Variants in NFE2L2 observed in about 807,000 individuals in gnomAD.
NFE2L2 encodes the protein nuclear factor erythroid 2-related factor 2.
In NFE2L2, 20 loss-of-function variants were observed where a neutral mutation model predicts 49.6. That is an observed-to-expected ratio of 0.40 (90% CI 0.28 to 0.59). NFE2L2 has a LOEUF of 0.59. NFE2L2 is among the 20% of genes least tolerant of loss of function. The probability of loss-of-function intolerance (pLI) is 0.40; values close to 1 mark genes in which losing one functional copy is unlikely to be tolerated. For synonymous variants in NFE2L2, 244 were observed against 256.5 expected, an observed-to-expected ratio of 0.95 and a Z score of 0.47; for missense variants, 578 against 714.2, an observed-to-expected ratio of 0.81 and a Z score of 2.17.
At chr2:177,260,841 C>T (rs1292283898) in intron 1 of NFE2L2, among the ~76,000 whole-genome samples, 9 of 152,138 alleles carry the variant, frequency 5.9e-5, no homozygotes, top group South Asian at 4.1e-4. Flanking sequence ...GAATCTTGGA[C>T]ATTGCCAAAC....
intron 1 of NFE2L2, chr2:177,263,528 C>T: frequency 2.0e-6 from 2 of 985,542 alleles, no homozygotes; most frequent in Non-Finnish European, 1.2e-6. Flanking sequence ...ACAGCTCCAA[C>T]CTGTCCCTTG....
chr2:177,235,100 G>C (rs1689699345), intron 1 of NFE2L2, among the ~76,000 whole-genome samples: 1 of 148,802 alleles, frequency 6.7e-6, no homozygotes, highest in Non-Finnish European at 1.5e-5. Context: ...CTGGGCAACA[G>C]AGCAAGACTC....
At chr2:177,241,586 G>A (rs994491159) in intron 1 of NFE2L2, among the ~76,000 whole-genome samples, 6 of 152,150 alleles carry the variant, frequency 3.9e-5, no homozygotes, top group East Asian at 1.9e-4. Context: ...AGCCAGGCAC[G>A]GTGGCTCACA....
chr2:177,232,209 G>T, intron 4 of NFE2L2, 183 bp downstream of exon 4: 2 of 887,384 alleles, frequency 2.3e-6, no homozygotes, highest in Non-Finnish European at 3.3e-6. Flanking sequence ...CAGATCAGAC[G>T]TCAGGTTTAT....
At chr2:177,246,669 A>G (rs1690143549) in intron 1 of NFE2L2, among the ~76,000 whole-genome samples, 1 of 149,544 alleles carries the variant, frequency 6.7e-6, no homozygotes, top group East Asian at 2.0e-4. Flanking sequence ...GCAGAATCAC[A>G]GCTCACTGCA....
chr2:177,238,415 C>G (rs1454894751), intron 1 of NFE2L2, among the ~76,000 whole-genome samples: 2 of 152,316 alleles, frequency 1.3e-5, no homozygotes, highest in African/African-American at 2.4e-5. Context: ...CCTTTCCCCC[C>G]CTTTTCCTTC....
intron 1 of NFE2L2, among the ~76,000 whole-genome samples, chr2:177,256,170 C>T (rs1424057581): frequency 6.6e-6 from 1 of 152,040 alleles, no homozygotes; most frequent in Non-Finnish European, 1.5e-5. Context: ...CCCTCAAACA[C>T]CTCAAGAAGA....
chr2:177,255,705 G>A (rs975994076), intron 1 of NFE2L2, among the ~76,000 whole-genome samples: 13 of 152,044 alleles, frequency 8.6e-5, no homozygotes, highest in African/African-American at 2.9e-4. Context: ...AATTGCAGGT[G>A]TGCACCACTG....
At chr2:177,235,168 A>G (rs1689701745) in intron 1 of NFE2L2, among the ~76,000 whole-genome samples, 3 of 150,986 alleles carry the variant, frequency 2.0e-5, no homozygotes, top group Non-Finnish European at 4.4e-5. Context: ...GCTCACGCCT[A>G]CAAGCCCAGC....
chr2:177,233,922 A>G, intron 2 of NFE2L2, 83 bp downstream of exon 2: 1 of 1,540,678 alleles, frequency 6.5e-7, no homozygotes, highest in Non-Finnish European at 8.8e-7. Flanking sequence ...GCAAAGCTGG[A>G]ACTCAAATCC....
chr2:177,261,366 G>C (rs547826151), intron 1 of NFE2L2, among the ~76,000 whole-genome samples: 5 of 152,238 alleles, frequency 3.3e-5, no homozygotes, highest in Admixed American at 3.3e-4. Context: ...AAAAGCTGCA[G>C]ACATTAATCT....
chr2:177,249,352 T>C (rs1690252820), intron 1 of NFE2L2, among the ~76,000 whole-genome samples: 1 of 152,228 alleles, frequency 6.6e-6, no homozygotes, highest in African/African-American at 2.4e-5. Context: ...ATAAAGCCAC[T>C]GGGATCCAGT....
Position 177,234,116 on chromosome 2 carries a change from C to T in NFE2L2, c.201G>A (p.Glu67=). ...GTTGTAACTGAGCGAAAAAGGCTTT[C>T]TCTTGCTCCTTTTGGAGTTGTTCTT... is the stretch of plus-strand genomic sequence containing the variant. ...ERQEQLQKEQ[E]KAFFAQLQLD... is the part of the protein sequence containing the mutation. Residue 67 remains glutamate (E), a synonymous_variant, in exon 2 of 5, where the codon GAG becomes GAA. Coordinates refer to ENST00000397062, the MANE Select transcript of NFE2L2 (RefSeq NM_006164.5). 2 of 1,614,174 alleles carry T rather than the reference C, an allele frequency of 1.2e-6. No individual in the cohort carries two copies. The highest frequency in any genetic ancestry group is 2.2e-5 in the East Asian group (1 of 44,886).
At chr2:177,235,533 G>C (rs1391529880) in intron 1 of NFE2L2, among the ~76,000 whole-genome samples, 1 of 152,058 alleles carries the variant, frequency 6.6e-6, no homozygotes, top group Non-Finnish European at 1.5e-5. Flanking sequence ...AGAGGGAATG[G>C]TTTTGATGAG....
At chr2:177,249,915 T>C (rs1030782634) in intron 1 of NFE2L2, among the ~76,000 whole-genome samples, 3 of 152,204 alleles carry the variant, frequency 2.0e-5, no homozygotes, top group African/African-American at 7.2e-5. Flanking sequence ...TGAGGGACAG[T>C]GCAGTATAAA....
intron 1 of NFE2L2, among the ~76,000 whole-genome samples, chr2:177,234,488 T>C (rs1233859685): frequency 6.6e-6 from 1 of 152,212 alleles, no homozygotes; most frequent in African/African-American, 2.4e-5. Context: ...TACAAACACA[T>C]AGCCATCCAT....
At chr2:177,261,012 C>T (rs1406623634) in intron 1 of NFE2L2, among the ~76,000 whole-genome samples, 1 of 151,844 alleles carries the variant, frequency 6.6e-6, no homozygotes, top group Non-Finnish European at 1.5e-5. Flanking sequence ...CCCATCTCTA[C>T]TAAAAATACA....
chr2:177,259,301 C>A (rs112167582), intron 1 of NFE2L2, among the ~76,000 whole-genome samples: 3,719 of 146,982 alleles, frequency 0.025, 128 homozygotes, highest in African/African-American at 0.083. Context: ...GACTCTGTCT[C>A]AAAAAAAAAA....
intron 3 of NFE2L2, 176 bp downstream of exon 3, chr2:177,233,074 G>T: frequency 5.2e-6 from 3 of 579,940 alleles, no homozygotes; most frequent in Non-Finnish European, 8.8e-6. Flanking sequence ...TAATTGTAAA[G>T]TTATTTATAG....
Sources: gnomAD v4.1 joint callset for allele counts (sites outside exome capture counted in the v4.1 genomes callset) on GRCh38, gnomAD v4.1.1 for gene constraint, MANE v1.5 for transcripts, NCBI Gene and HGNC (gene_info 2026-07-23, HGNC 2026-07-21) for gene names.